Variants in SKAP2 observed in about 807,000 individuals in gnomAD.
SKAP2 encodes src kinase-associated phosphoprotein 2.
A neutral mutation model predicts 54.9 loss-of-function variants in SKAP2; 28 were observed. The ratio of observed to expected loss-of-function variants is 0.51; its 90% CI spans 0.38 to 0.70. The LOEUF is 0.70. Among genes scored for constraint, SKAP2 ranks in the 30% least tolerant of loss-of-function variants. The probability of loss-of-function intolerance (pLI) is 0.00; values close to 1 mark genes in which losing one functional copy is unlikely to be tolerated. For missense variants in SKAP2, 356 were observed against 424.1 expected (o/e 0.84, Z 1.41); for synonymous variants, 137 against 134.3 (o/e 1.02, Z -0.14).
chr7:26,838,902 C>G (rs1338319314), intron 4 of SKAP2, among the ~76,000 whole-genome samples: 1 of 152,164 alleles, frequency 6.6e-6, no homozygotes, highest in African/African-American at 2.4e-5. Context: ...ATCTAGATTA[C>G]ATTTTTCTTA....
At chr7:26,655,491 G>A in the SKAP2 span, among the ~76,000 whole-genome samples, 3 of 152,080 alleles carry the variant, frequency 2.0e-5, no homozygotes, top group African/African-American at 7.2e-5. Context: ...TTTCCCTCTT[G>A]GCAACTTAAT....
chr7:26,769,980 G>C (rs972516475), intron 4 of SKAP2, among the ~76,000 whole-genome samples: 1 of 152,216 alleles, frequency 6.6e-6, no homozygotes, highest in Non-Finnish European at 1.5e-5. Flanking sequence ...CTTGAGAGCT[G>C]TGCTGGGAGA....
At chr7:26,696,908 T>TAACAAA (rs1204695313) in intron 9 of SKAP2, among the ~76,000 whole-genome samples, 1 of 152,064 alleles carries the variant, frequency 6.6e-6, no homozygotes, top group South Asian at 2.1e-4. Context: ...ACGCTGTCTC[T>TAACAAA]AACAAAAACA....
At chr7:26,825,196 C>T (rs987720186) in intron 4 of SKAP2, among the ~76,000 whole-genome samples, 1 of 152,092 alleles carries the variant, frequency 6.6e-6, no homozygotes, top group Non-Finnish European at 1.5e-5. Flanking sequence ...CCAGCAAAAG[C>T]TACAGTACTT....
At chr7:26,717,379 A>G (rs1787469858) in intron 9 of SKAP2, among the ~76,000 whole-genome samples, 2 of 151,382 alleles carry the variant, frequency 1.3e-5, no homozygotes, top group Admixed American at 6.6e-5. Flanking sequence ...GCGTGGTGGC[A>G]TGCACCTGTA....
At chr7:26,661,484 A>G in the SKAP2 span, among the ~76,000 whole-genome samples, 6 of 152,324 alleles carry the variant, frequency 3.9e-5, 1 homozygote, top group East Asian at 1.9e-4. Flanking sequence ...ATTACAACAT[A>G]TACCTAAAGA....
intron 4 of SKAP2, among the ~76,000 whole-genome samples, chr7:26,823,362 G>T (rs961682001): frequency 2.0e-5 from 3 of 147,488 alleles, no homozygotes; most frequent in Admixed American, 1.4e-4. Flanking sequence ...GGAGGTGGGG[G>T]TCGCAGTGAG....
intron 1 of SKAP2, among the ~76,000 whole-genome samples, chr7:26,860,938 A>G (rs1236202996): frequency 1.4e-4 from 4 of 28,502 alleles, no homozygotes; most frequent in Admixed American, 9.0e-4. Context: ...ATGTGAACAA[A>G]ACCTCAAGAT....
At chr7:26,824,860 C>A (rs1463373054) in intron 4 of SKAP2, among the ~76,000 whole-genome samples, 2 of 152,004 alleles carry the variant, frequency 1.3e-5, no homozygotes, top group Non-Finnish European at 2.9e-5. Context: ...TTATTTTGGC[C>A]CCACACAAAA....
At chr7:26,687,292 C>T (rs17154336) in intron 10 of SKAP2, among the ~76,000 whole-genome samples, 2,376 of 151,592 alleles carry the variant, frequency 0.016, 58 homozygotes, top group African/African-American at 0.054. Context: ...TTAAATCTCA[C>T]TGCTGTAAAG....
intron 4 of SKAP2, among the ~76,000 whole-genome samples, chr7:26,831,426 C>A (rs1182872919): frequency 6.6e-6 from 1 of 152,098 alleles, no homozygotes; most frequent in South Asian, 2.1e-4. Flanking sequence ...GCAAATCCTA[C>A]AAAATTCATC....
intron 1 of SKAP2, among the ~76,000 whole-genome samples, chr7:26,859,999 C>G (rs1785246276): frequency 1.3e-5 from 2 of 152,194 alleles, no homozygotes; most frequent in African/African-American, 4.8e-5. Flanking sequence ...TTTCAAATCA[C>G]CAGCAGCTTT....
At chr7:26,796,331 T>C (rs1435892127) in intron 4 of SKAP2, among the ~76,000 whole-genome samples, 3 of 134,196 alleles carry the variant, frequency 2.2e-5, no homozygotes, top group African/African-American at 8.3e-5. Context: ...TAAAACGCTA[T>C]GTGACACTAA....
chr7:26,796,615 C>T (rs780904972), intron 4 of SKAP2, among the ~76,000 whole-genome samples: 5 of 152,202 alleles, frequency 3.3e-5, no homozygotes, highest in African/African-American at 1.2e-4. Flanking sequence ...CCTGCCATTT[C>T]GGACAGATAA....
chr7:26,851,019 CAGTGT>C (rs1014400338), intron 3 of SKAP2, among the ~76,000 whole-genome samples: 7 of 151,922 alleles, frequency 4.6e-5, no homozygotes, highest in African/African-American at 1.7e-4. Flanking sequence ...GAGTTTCTAC[CAGTGT>C]AAACTATTCT....
At chr7:26,824,327 G>A (rs530457327) in intron 4 of SKAP2, among the ~76,000 whole-genome samples, 1 of 152,272 alleles carries the variant, frequency 6.6e-6, no homozygotes, top group South Asian at 2.1e-4. Context: ...GTGCTGGGAG[G>A]TAATATAGTA....
At chr7:26,844,968 A>T (rs921173584) in intron 3 of SKAP2, among the ~76,000 whole-genome samples, 10 of 152,094 alleles carry the variant, frequency 6.6e-5, no homozygotes, top group African/African-American at 1.4e-4. Context: ...ATTTAAAATA[A>T]TTTTTTTAAA....
At chr7:26,788,394 T>C (rs1783602981) in intron 4 of SKAP2, among the ~76,000 whole-genome samples, 1 of 151,308 alleles carries the variant, frequency 6.6e-6, no homozygotes, top group African/African-American at 2.4e-5. Flanking sequence ...AAAAATGTTA[T>C]AAGAGAAATC....
At chr7:26,748,181 G>A (rs918547665) in intron 4 of SKAP2, among the ~76,000 whole-genome samples, 13 of 152,004 alleles carry the variant, frequency 8.6e-5, no homozygotes, top group African/African-American at 3.1e-4. Context: ...TCTCATAAAA[G>A]TAGATGTGAA....
Sources: gnomAD v4.1 joint callset for allele counts (sites outside exome capture counted in the v4.1 genomes callset) on GRCh38, gnomAD v4.1.1 for gene constraint, MANE v1.5 for transcripts, NCBI Gene and HGNC (gene_info 2026-07-23, HGNC 2026-07-21) for gene names.